KCNK13: variants seen among roughly 807,000 people sequenced by gnomAD.
KCNK13 encodes the protein potassium channel subfamily K member 13.
In KCNK13, 12 loss-of-function variants were observed where a neutral mutation model predicts 23.4. The ratio of observed to expected loss-of-function variants is 0.51; its 90% CI spans 0.33 to 0.83. The LOEUF is 0.83. KCNK13 is among the 40% of genes least tolerant of loss of function. The probability of loss-of-function intolerance (pLI) is 0.02; values close to 1 mark genes in which losing one functional copy is unlikely to be tolerated. For synonymous variants in KCNK13, 231 were observed against 229.5 expected, an observed-to-expected ratio of 1.01 and a Z score of -0.06; for missense variants, 463 against 556.3, an observed-to-expected ratio of 0.83 and a Z score of 1.69.
chr14:90,088,558 AC>A (rs1168444506), intron 1 of KCNK13, among the ~76,000 whole-genome samples: 1 of 152,178 alleles, frequency 6.6e-6, no homozygotes, highest in Non-Finnish European at 1.5e-5. Flanking sequence ...TTCACTGTCA[AC>A]TTTTTAACAT....
chr14:90,111,560 A>G (rs892196535), intron 1 of KCNK13, among the ~76,000 whole-genome samples: 36 of 152,102 alleles, frequency 2.4e-4, no homozygotes, highest in African/African-American at 8.7e-4. Flanking sequence ...AGTATGGAAG[A>G]CAGTGAAATG....
chr14:90,076,335 G>A (rs993727408), intron 1 of KCNK13, among the ~76,000 whole-genome samples: 1 of 152,228 alleles, frequency 6.6e-6, no homozygotes, highest in African/African-American at 2.4e-5. Context: ...AGAACCTTCT[G>A]TCTTTCTGTT....
At chr14:90,115,797 C>A (rs887791178) in intron 1 of KCNK13, among the ~76,000 whole-genome samples, 1 of 152,198 alleles carries the variant, frequency 6.6e-6, no homozygotes, top group Non-Finnish European at 1.5e-5. Flanking sequence ...TTCTTTTATG[C>A]CCAGGCAATT....
chr14:90,182,576 C>T (rs1890500523), intron 1 of KCNK13, among the ~76,000 whole-genome samples: 1 of 152,188 alleles, frequency 6.6e-6, no homozygotes, highest in African/African-American at 2.4e-5. Context: ...AATCCCAGTG[C>T]TTTGGGAGGC....
chr14:90,144,266 C>T (rs1417565902), intron 1 of KCNK13, among the ~76,000 whole-genome samples: 1 of 152,124 alleles, frequency 6.6e-6, no homozygotes, highest in African/African-American at 2.4e-5. Flanking sequence ...TGGTCTTGTA[C>T]ATCTTTTGTC....
chr14:90,147,844 T>C (rs1890090077), intron 1 of KCNK13, among the ~76,000 whole-genome samples: 3 of 152,154 alleles, frequency 2.0e-5, no homozygotes, highest in South Asian at 4.1e-4. Context: ...TTCTCTCCTG[T>C]TTTGTGATGC....
rs528460468 is a variant in KCNK13, at chr14:90,070,564, TTAGA to T, written c.334+8030_334+8033del. ...ATGTCTATAATTTATTATTTATTAC[TTAGA>T]TAGAGAAATGTTTTTCATTTCAATT... On this transcript the variant is annotated intron_variant, in intron 1 of 1. Coordinates refer to ENST00000282146, the MANE Select transcript of KCNK13 (RefSeq NM_022054.4). 4.3e-4 allele frequency among the ~76,000 whole-genome samples: 66 copies of T among 152,338 alleles called. 1 individual carries two copies. The highest frequency in any genetic ancestry group is 9.4e-4 in the African/African-American group (39 of 41,578).
At chr14:90,122,184 TTA>T (rs1889747061) in intron 1 of KCNK13, among the ~76,000 whole-genome samples, 1 of 152,174 alleles carries the variant, frequency 6.6e-6, no homozygotes, top group Non-Finnish European at 1.5e-5. Flanking sequence ...TTTTTTTCAG[TTA>T]TATATAATGC....
intron 1 of KCNK13, among the ~76,000 whole-genome samples, chr14:90,095,541 G>A (rs527469806): frequency 2.0e-5 from 3 of 152,150 alleles, no homozygotes; most frequent in South Asian, 4.2e-4. Flanking sequence ...CCCCAGAAGG[G>A]CCTCTTTTTT....
intron 1 of KCNK13, among the ~76,000 whole-genome samples, chr14:90,177,830 A>G (rs1457255202): frequency 1.3e-5 from 2 of 152,330 alleles, no homozygotes; most frequent in Non-Finnish European, 2.9e-5. Flanking sequence ...TCTAGGAGCT[A>G]GCCCCTGCAT....
intron 1 of KCNK13, among the ~76,000 whole-genome samples, chr14:90,165,121 G>T (rs924062692): frequency 6.6e-6 from 1 of 152,154 alleles, no homozygotes; most frequent in African/African-American, 2.4e-5. Flanking sequence ...ATCAGATCTC[G>T]TGAGACTTAT....
At chr14:90,068,349 C>G (rs900344441) in intron 1 of KCNK13, among the ~76,000 whole-genome samples, 1 of 152,070 alleles carries the variant, frequency 6.6e-6, no homozygotes. Flanking sequence ...AATCTCAGCA[C>G]TTTGGGAGGG....
At chr14:90,130,769 G>C (rs896283834) in intron 1 of KCNK13, among the ~76,000 whole-genome samples, 3 of 152,062 alleles carry the variant, frequency 2.0e-5, no homozygotes, top group Non-Finnish European at 4.4e-5. Flanking sequence ...AGCCGAGATC[G>C]CACCACTGCA....
Position 90,115,305 on chromosome 14 carries a change from T to C in KCNK13, c.334+52766T>C, listed in dbSNP as rs563051522. ...GTGGTAAACGTTCCTCACATGATTCTGGAAGAGCCAGCCCGCTCCTGCTGG... is the reference window on the plus strand; with the variant it reads ...GTGGTAAACGTTCCTCACATGATTCCGGAAGAGCCAGCCCGCTCCTGCTGG... On this transcript the variant is annotated intron_variant, in intron 1 of 1. Coordinates refer to ENST00000282146, the MANE Select transcript of KCNK13 (RefSeq NM_022054.4). Among the ~76,000 whole-genome samples the C allele has an allele frequency of 2.6e-4, 40 of 152,308 alleles. No homozygotes were observed. The South Asian group carries it at 8.3e-3, about 32-fold the overall frequency.
chr14:90,076,172 T>C (rs751268767), intron 1 of KCNK13, among the ~76,000 whole-genome samples: 1 of 152,260 alleles, frequency 6.6e-6, no homozygotes, highest in Non-Finnish European at 1.5e-5. Flanking sequence ...ATGACAAGCA[T>C]ATTGACTGCA....
At chr14:90,085,761 T>TTATATAA (rs1411826090) in intron 1 of KCNK13, among the ~76,000 whole-genome samples, 1 of 127,358 alleles carries the variant, frequency 7.9e-6, no homozygotes, top group African/African-American at 3.0e-5. Context: ...ATATTATATA[T>TTATATAA]TATATAAATT....
chr14:90,087,193 C>T (rs1889291605), intron 1 of KCNK13, among the ~76,000 whole-genome samples: 1 of 139,378 alleles, frequency 7.2e-6, no homozygotes, highest in African/African-American at 2.7e-5. Context: ...ACTATGTTGC[C>T]CAGGCTGGTC....
Position 90,184,923 on chromosome 14 carries a change from C to A in KCNK13, c.1147C>A (p.Arg383=), listed in dbSNP as rs373777053. 1.2e-6 allele frequency: 2 copies of A among 1,613,174 alleles called. No homozygotes were observed. The highest frequency in any genetic ancestry group is 1.1e-5 in the South Asian group (1 of 91,040). Residue 383 remains arginine, a synonymous_variant, in exon 2 of 2, where the codon CGG becomes AGG. Coordinates refer to ENST00000282146, the MANE Select transcript of KCNK13 (RefSeq NM_022054.4). The surrounding 1 kb of genome is among the most constrained non-coding windows in gnomAD (Gnocchi z 5.6). ...CCCCCACCAGACCAGCACACTGGCC[C>A]GGGACAATGAATTCTCAGGGGGGGT... ...GCPHQTSTLA[R]DNEFSGGVGA... is the part of the protein sequence containing the mutation.
chr14:90,074,217 CT>C (rs1889110073), intron 1 of KCNK13, among the ~76,000 whole-genome samples: 3 of 152,254 alleles, frequency 2.0e-5, no homozygotes, highest in African/African-American at 7.2e-5. Context: ...ATCCACCCGC[CT>C]TGGCCTCCCA....
Sources: gnomAD v4.1 joint callset for allele counts (sites outside exome capture counted in the v4.1 genomes callset) on GRCh38, gnomAD v4.1.1 for gene constraint, Gnocchi (gnomAD v3.1) non-coding constraint, MANE v1.5 for transcripts, NCBI Gene and HGNC (gene_info 2026-07-23, HGNC 2026-07-21) for gene names.